Variants in MTFR1 observed in about 807,000 individuals in gnomAD.
MTFR1 encodes the protein chondrocyte protein with a poly-proline region.
A neutral mutation model predicts 38.8 loss-of-function variants in MTFR1; 28 were observed. That is an observed-to-expected ratio of 0.72 (90% CI 0.53 to 0.99). The LOEUF (loss-of-function observed/expected upper bound fraction) is 0.99, where lower values mean the gene tolerates loss of function less well. Ranked by LOEUF, MTFR1 falls within the 50% of genes least tolerant of loss-of-function variation. The pLI, the probability that MTFR1 is intolerant of heterozygous loss-of-function variation, is 0.00. For missense variants in MTFR1, 358 were observed against 395.5 expected, an observed-to-expected ratio of 0.91 and a Z score of 0.81; for synonymous variants, 145 against 137.0, an observed-to-expected ratio of 1.06 and a Z score of -0.41.
chr8:65,699,261 G>C (rs1029574326), intron 4 of MTFR1, among the ~76,000 whole-genome samples: 3 of 152,140 alleles, frequency 2.0e-5, no homozygotes, highest in Non-Finnish European at 4.4e-5. Context: ...ATTTAGGTTG[G>C]TTCCGTGTCT....
At chr8:65,772,105 T>G (rs1296838894), downstream of MTFR1, among the ~76,000 whole-genome samples, 1 of 151,844 alleles carries the variant, frequency 6.6e-6, no homozygotes, top group African/African-American at 2.4e-5. Context: ...ATTTAAGCAA[T>G]GAAAGAACAG....
chr8:65,645,685 C>G (rs1808939233), intron 1 of MTFR1, among the ~76,000 whole-genome samples: 1 of 127,942 alleles, frequency 7.8e-6, no homozygotes. Context: ...GCCATCACGC[C>G]CGGCTTTCCC....
At chr8:65,699,965 C>T (rs992347144) in intron 4 of MTFR1, among the ~76,000 whole-genome samples, 1 of 151,972 alleles carries the variant, frequency 6.6e-6, no homozygotes, top group African/African-American at 2.4e-5. Flanking sequence ...ATTATGTCTC[C>T]AGGAAAACAG....
chr8:65,745,436 T>C (rs1807631470), intron 3 of MTFR1: 1 of 1,576,420 alleles, frequency 6.3e-7, no homozygotes, highest in Admixed American at 1.7e-5. Context: ...TAGAAAGATA[T>C]CAAAATTCCA....
chr8:65,704,916 A>C lies in MTFR1; in HGVS notation c.504A>C (p.Gln168His). ...IAKIVTQQEQ[Q>H]NLTAGDLDST... ...AAATTGTGACCCAGCAGGAGCAGCA[A>C]AATCTCACTGCAGGTCTGTAAGTCC... The change falls in exon 5 of 8, where the codon CAA becomes CAC. Residue 168 changes from glutamine (Q) to histidine (H), a missense_variant. Physicochemically the swap from Gln to His is conservative, Grantham distance 24 (BLOSUM62 0). Coordinates refer to ENST00000262146, the MANE Select transcript of MTFR1 (RefSeq NM_014637.4). 1.3e-6 allele frequency: 2 copies of C among 1,591,188 alleles called. No homozygotes were observed. The highest frequency in any genetic ancestry group is 2.3e-5 in the South Asian group (2 of 88,862).
At chr8:65,757,254 G>C (rs1808276932) in intron 3 of MTFR1, among the ~76,000 whole-genome samples, 1 of 152,094 alleles carries the variant, frequency 6.6e-6, no homozygotes, top group African/African-American at 2.4e-5. Flanking sequence ...CTTGAGGCCT[G>C]CTCCTGAGGC....
chr8:65,738,914 A>G (rs1280111629), intron 3 of MTFR1, among the ~76,000 whole-genome samples: 1 of 152,246 alleles, frequency 6.6e-6, no homozygotes, highest in Non-Finnish European at 1.5e-5. Context: ...AATGAAATCA[A>G]GTATCCACAA....
intron 3 of MTFR1, among the ~76,000 whole-genome samples, chr8:65,684,039 C>T (rs1246498537): frequency 1.3e-5 from 2 of 152,142 alleles, no homozygotes; most frequent in African/African-American, 2.4e-5. Flanking sequence ...CCTCCTAGTT[C>T]CAGGAAAATG....
chr8:65,756,553 T>A (rs1349012882), intron 3 of MTFR1, among the ~76,000 whole-genome samples: 1 of 152,206 alleles, frequency 6.6e-6, no homozygotes, highest in Non-Finnish European at 1.5e-5. Context: ...ATTTCAGTTA[T>A]TCTACTTTTC....
chr8:65,716,157 A>AC (rs1806135243), intron 2 of MTFR1, among the ~76,000 whole-genome samples: 1 of 151,618 alleles, frequency 6.6e-6, no homozygotes, highest in Non-Finnish European at 1.5e-5. Flanking sequence ...TCAAAAAAAA[A>AC]AAAAAACAAA....
chr8:65,757,485 T>A (rs1178275115), intron 3 of MTFR1, among the ~76,000 whole-genome samples: 2 of 152,254 alleles, frequency 1.3e-5, no homozygotes, highest in Non-Finnish European at 1.5e-5. Context: ...AGGGTTTTTT[T>A]AGATCTTGTC....
At chr8:65,774,340 T>C (rs990738096), downstream of MTFR1, among the ~76,000 whole-genome samples, 1 of 152,108 alleles carries the variant, frequency 6.6e-6, no homozygotes, top group African/African-American at 2.4e-5. Flanking sequence ...TTATATTTGC[T>C]TTATAAAATT....
At chr8:65,662,794 C>G (rs1277212965) in intron 1 of MTFR1, among the ~76,000 whole-genome samples, 1 of 150,636 alleles carries the variant, frequency 6.6e-6, no homozygotes, top group Non-Finnish European at 1.5e-5. Context: ...AGCAGCCACC[C>G]CGTCCGGGAG....
intron 3 of MTFR1, among the ~76,000 whole-genome samples, chr8:65,738,058 T>G (rs1405093701): frequency 6.6e-6 from 1 of 152,192 alleles, no homozygotes; most frequent in Non-Finnish European, 1.5e-5. Context: ...AAGTGAATAT[T>G]GCAATATAGC....
Position 65,707,050 on chromosome 8 carries a change from C to CCCA in MTFR1, c.560_561insACC (p.Pro193dup). On this transcript the variant is annotated inframe_insertion, in exon 6 of 8. Coordinates refer to ENST00000262146, the MANE Select transcript of MTFR1 (RefSeq NM_014637.4). ...CCACATTTGGTACCATACCACCACA[C>CCCA]CCTCCACCTCCCCCACCGCCCCTGC... 6.2e-7 allele frequency: 1 copy of CCCA among 1,608,972 alleles called. No homozygotes were observed. The highest frequency in any genetic ancestry group is 1.1e-5 in the South Asian group (1 of 90,670).
chr8:65,676,654 A>T (rs921852672), intron 2 of MTFR1, among the ~76,000 whole-genome samples: 4 of 152,096 alleles, frequency 2.6e-5, no homozygotes, highest in Non-Finnish European at 5.9e-5. Context: ...GTGAGCCACC[A>T]CACCCAGCCA....
chr8:65,718,227 C>T (rs1023498295), intron 2 of MTFR1: 1 of 152,214 alleles, frequency 6.6e-6, no homozygotes, highest in Non-Finnish European at 1.5e-5. Context: ...GCTTACATTT[C>T]AAATCTTTGC....
chr8:65,654,354 G>C (rs1019218592), intron 1 of MTFR1, among the ~76,000 whole-genome samples: 1 of 151,878 alleles, frequency 6.6e-6, no homozygotes, highest in Non-Finnish European at 1.5e-5. Context: ...TTTCATGTAT[G>C]GCTCTATCTT....
intron 3 of MTFR1, among the ~76,000 whole-genome samples, chr8:65,742,708 T>C (rs1008973047): frequency 1.4e-4 from 22 of 152,206 alleles, no homozygotes; most frequent in African/African-American, 4.6e-4. Flanking sequence ...TTCTGCCCAT[T>C]TGTTCCCCAA....
Sources: allele counts gnomAD v4.1 joint callset (sites outside exome capture counted in the v4.1 genomes callset), GRCh38; gene constraint gnomAD v4.1.1; transcripts MANE v1.5; gene names NCBI Gene and HGNC (gene_info 2026-07-23, HGNC 2026-07-21).